TENM4: variants seen among roughly 807,000 people sequenced by gnomAD.
TENM4 encodes the protein teneurin-4.
Under a neutral mutation model 243.3 loss-of-function variants are expected in TENM4, and 82 were observed. The observed-to-expected ratio is 0.34, with a 90% confidence interval of 0.28 to 0.40. The LOEUF (loss-of-function observed/expected upper bound fraction) is 0.40, where lower values mean the gene tolerates loss of function less well. TENM4 is among the 10% of genes least tolerant of loss of function. The pLI is 1.00. For synonymous variants in TENM4, 1,412 were observed against 1,456.3 expected, an observed-to-expected ratio of 0.97 and a Z score of 0.69; for missense variants, 3,138 against 3,673.3, an observed-to-expected ratio of 0.85 and a Z score of 3.77.
chr11:78,877,862 T>C (rs139358883), intron 9 of TENM4, among the ~76,000 whole-genome samples: 7 of 152,328 alleles, frequency 4.6e-5, no homozygotes, highest in African/African-American at 1.7e-4. Flanking sequence ...TATTAAGAAC[T>C]AGGTGCCTGA....
intron 6 of TENM4, among the ~76,000 whole-genome samples, chr11:78,952,204 T>A (rs1423685678): frequency 6.6e-6 from 1 of 152,212 alleles, no homozygotes; most frequent in Admixed American, 6.5e-5. Flanking sequence ...TTCCTCCATA[T>A]CACTCGAAAT....
At chr11:78,913,619 G>T (rs1856246268) in intron 6 of TENM4, among the ~76,000 whole-genome samples, 1 of 151,260 alleles carries the variant, frequency 6.6e-6, no homozygotes, top group African/African-American at 2.4e-5. Context: ...GTGTGTGTGT[G>T]TGTGTGTGTG....
intron 6 of TENM4, among the ~76,000 whole-genome samples, chr11:78,979,375 A>C (rs560026459): frequency 1.3e-4 from 20 of 152,306 alleles, no homozygotes; most frequent in African/African-American, 4.6e-4. Context: ...ATTCCCCTAC[A>C]ATGCTGTGAG....
intron 12 of TENM4, among the ~76,000 whole-genome samples, chr11:78,852,572 A>C (rs1428459516): frequency 6.6e-6 from 1 of 152,140 alleles, no homozygotes. Flanking sequence ...GGTCCCAGCT[A>C]TTCGGGAGGC....
chr11:79,285,318 A>G (rs1007729704), intron 2 of TENM4, among the ~76,000 whole-genome samples: 1 of 152,140 alleles, frequency 6.6e-6, no homozygotes, highest in Non-Finnish European at 1.5e-5. Context: ...CCACAATAAC[A>G]TACCACTTCA....
chr11:79,230,207 C>A (rs1462895138), intron 2 of TENM4, among the ~76,000 whole-genome samples: 1 of 152,174 alleles, frequency 6.6e-6, no homozygotes, highest in Non-Finnish European at 1.5e-5. Context: ...TTTCAGGACA[C>A]GCTGGTCATC....
intron 7 of TENM4, among the ~76,000 whole-genome samples, chr11:78,891,695 G>A (rs925026477): frequency 6.6e-6 from 1 of 152,138 alleles, no homozygotes; most frequent in East Asian, 1.9e-4. Context: ...TTCTACAGGT[G>A]AGGAAACTGA....
chr11:78,869,810 C>T (rs1262780332), intron 9 of TENM4, among the ~76,000 whole-genome samples: 1 of 152,086 alleles, frequency 6.6e-6, no homozygotes, highest in East Asian at 1.9e-4. Context: ...AACTACATTA[C>T]AATTTAAAAA....
At chr11:79,355,814 T>C (rs1857487859) in intron 1 of TENM4, among the ~76,000 whole-genome samples, 1 of 152,198 alleles carries the variant, frequency 6.6e-6, no homozygotes, top group Non-Finnish European at 1.5e-5. Flanking sequence ...CTGGCTTTAA[T>C]AGAGCTGCAG....
intron 6 of TENM4, among the ~76,000 whole-genome samples, chr11:79,045,090 G>GT (rs2136916395): frequency 6.6e-6 from 1 of 152,308 alleles, no homozygotes; most frequent in Non-Finnish European, 1.5e-5. Context: ...CCATTAAGCA[G>GT]TTATTCTCTT....
chr11:78,708,998 C>T (rs1859334295), intron 26 of TENM4, among the ~76,000 whole-genome samples: 1 of 140,554 alleles, frequency 7.1e-6, no homozygotes, highest in African/African-American at 2.8e-5. Flanking sequence ...AAAAGAGTCT[C>T]GTTCTGTCAC....
chr11:79,083,393 C>A (rs1312519048), intron 4 of TENM4, among the ~76,000 whole-genome samples: 1 of 152,184 alleles, frequency 6.6e-6, no homozygotes, highest in African/African-American at 2.4e-5. Flanking sequence ...CGTTTCTCAA[C>A]CCGGGGGATA....
chr11:79,098,330 C>A (rs890503375), intron 4 of TENM4, among the ~76,000 whole-genome samples: 3 of 152,038 alleles, frequency 2.0e-5, no homozygotes, highest in African/African-American at 7.2e-5. Context: ...AAACAGCTAG[C>A]TCTGCCCCCA....
intron 4 of TENM4, among the ~76,000 whole-genome samples, chr11:79,113,839 A>G (rs1861562636): frequency 6.6e-6 from 1 of 152,162 alleles, no homozygotes; most frequent in Non-Finnish European, 1.5e-5. Flanking sequence ...GCCTAACCTT[A>G]GAAGGAAGGA....
In TENM4 at chr11:78,771,046, C is replaced by T. The variant is rs1357959225; in HGVS notation, c.2485G>A (p.Gly829Ser). Reference protein sequence around the residue: ...CVCQLGWRGAGCDTSMETACG... With the variant: ...CVCQLGWRGASCDTSMETACG... ...GCAGTCTCCATGGAAGTGTCACAGCCAGCTCCTCTCCAGCCCAGCTGGCAG... is the reference window on the plus strand; with the variant it reads ...GCAGTCTCCATGGAAGTGTCACAGCTAGCTCCTCTCCAGCCCAGCTGGCAG... Residue 829 changes from glycine to serine, a missense_variant, in exon 18 of 34, where the codon GGC (glycine) becomes AGC (serine). Physicochemically the swap from Gly to Ser is moderately conservative, Grantham distance 56 (BLOSUM62 0). Around this residue, in one of 2 missense-constraint regions of TENM4, gnomAD observed 2,467 missense variants for 3,059.1 expected, o/e 0.81. Coordinates refer to ENST00000278550, the MANE Select transcript of TENM4 (RefSeq NM_001098816.3). The T allele has an allele frequency of 1.3e-6, 2 of 1,581,564 alleles. No individual in the cohort carries two copies. The highest frequency in any genetic ancestry group is 2.3e-5 in the South Asian group (2 of 85,914).
At chr11:78,839,941 T>C (rs867555844) in intron 12 of TENM4, among the ~76,000 whole-genome samples, 54 of 152,312 alleles carry the variant, frequency 3.5e-4, no homozygotes, top group Middle Eastern at 3.4e-3. Context: ...GGTCCCTAGC[T>C]CTGCCTCTGC....
chr11:78,938,721 C>A (rs1287307189), intron 6 of TENM4, among the ~76,000 whole-genome samples: 1 of 152,142 alleles, frequency 6.6e-6, no homozygotes, highest in Non-Finnish European at 1.5e-5. Context: ...GCAGAGCAGA[C>A]CATCATCTGG....
Position 78,805,277 on chromosome 11 carries a change from T to TGCCCCCCCCCCCCCCCCCCCCCC in TENM4, c.2179+14_2179+15insGGGGGGGGGGGGGGGGGGGGGGC. 76 of 1,402,540 alleles carry TGCCCCCCCCCCCCCCCCCCCCCC rather than the reference T, an allele frequency of 5.4e-5. No individual in the cohort carries two copies. The highest frequency in any genetic ancestry group is 2.8e-4 in the East Asian group (9 of 32,216). 86.9% of individuals were successfully genotyped at this position (1,402,540 alleles called of 1,614,324 possible). On this transcript the variant is annotated intron_variant, in intron 15 of 33. Coordinates refer to ENST00000278550, the MANE Select transcript of TENM4 (RefSeq NM_001098816.3). ...CCCCTCCCTCTACCCATGCTTCTTCTCCCCCTGCATTTACCGATAGAACAG... is the reference window on the plus strand; with the variant it reads ...CCCCTCCCTCTACCCATGCTTCTTCTGCCCCCCCCCCCCCCCCCCCCCCCCCCCTGCATTTACCGATAGAACAG...
Position 78,795,119 on chromosome 11 carries a change from G to A in TENM4, c.2180-8036C>T, listed in dbSNP as rs185140557. Among the ~76,000 whole-genome samples, 306 of 152,272 alleles carry A rather than the reference G, an allele frequency of 2.0e-3. 1 individual carries two copies. Among genetic ancestry groups the A allele is most frequent in the Non-Finnish European group, 3.2e-3 (218 of 68,026 alleles). On this transcript the variant is annotated intron_variant, in intron 15 of 33. Transcript: ENST00000278550. Reference sequence around the variant, plus strand: ...GTATTCAAATCTAAATGTGCTTTGAGTTCTGGCTCCAATGCCACCTCCTCC... The same window carrying A: ...GTATTCAAATCTAAATGTGCTTTGAATTCTGGCTCCAATGCCACCTCCTCC...
Sources: gnomAD v4.1 joint callset for allele counts (sites outside exome capture counted in the v4.1 genomes callset) on GRCh38, gnomAD v4.1.1 for gene constraint, gnomAD v4.1.1 regional missense constraint, MANE v1.5 for transcripts, NCBI Gene and HGNC (gene_info 2026-07-23, HGNC 2026-07-21) for gene names.